The following PTCHD4 variants were observed in gnomAD, a reference collection of about 807,000 sequenced individuals.
PTCHD4 encodes patched domain containing 4.
PTCHD4 carries 33 observed loss-of-function variants against 58.1 expected under a neutral mutation model. The ratio of observed to expected loss-of-function variants is 0.57; its 90% CI spans 0.43 to 0.76. The LOEUF (loss-of-function observed/expected upper bound fraction) is 0.76, where lower values mean the gene tolerates loss of function less well. Among genes scored for constraint, PTCHD4 ranks in the 30% least tolerant of loss-of-function variants. The probability of loss-of-function intolerance (pLI) is 0.00; values close to 1 mark genes in which losing one functional copy is unlikely to be tolerated. For synonymous variants in PTCHD4, 478 were observed against 409.6 expected (o/e 1.17, Z -2.02); for missense variants, 1,058 against 1,027.1 (o/e 1.03, Z -0.41).
chr6:47,922,346 T>G (rs1334012272), intron 4 of PTCHD4, among the ~76,000 whole-genome samples: 1 of 152,206 alleles, frequency 6.6e-6, no homozygotes, highest in African/African-American at 2.4e-5. Flanking sequence ...CACTCCTCTC[T>G]GACTCTTTCC....
chr6:48,072,786 T>C (rs1764998576), intron 1 of PTCHD4, among the ~76,000 whole-genome samples: 1 of 152,202 alleles, frequency 6.6e-6, no homozygotes, highest in African/African-American at 2.4e-5. Flanking sequence ...TATTGCTACA[T>C]AGATTATTGT....
chr6:48,037,838 C>T (rs1398831476), intron 3 of PTCHD4, among the ~76,000 whole-genome samples: 1 of 151,424 alleles, frequency 6.6e-6, no homozygotes, highest in Non-Finnish European at 1.5e-5. Flanking sequence ...TTTAAAAGAC[C>T]TTCACGAATC....
Position 48,068,471 on chromosome 6 carries a change from T to A in PTCHD4, c.176A>T (p.Asn59Ile). ...CAGGTCGCCCTCGGGCTGGAAGCGGTTGAGCGCGCTGAGGCCGAAGGTGAT... is the reference window on the plus strand; with the variant it reads ...CAGGTCGCCCTCGGGCTGGAAGCGGATGAGCGCGCTGAGGCCGAAGGTGAT... ...LTITFGLSAL[N>I]RFQPEGDLER... The change falls in exon 3 of 5, where the codon AAC becomes ATC. Residue 59 changes from asparagine (N) to isoleucine (I), a missense_variant. Physicochemically the swap from Asn to Ile is moderately radical, Grantham distance 149. Coordinates refer to ENST00000339488, the MANE Select transcript of PTCHD4 (RefSeq NM_001384253.1). The surrounding 1 kb of genome is among the most constrained non-coding windows in gnomAD (Gnocchi z 4.2). 1.2e-6 allele frequency: 2 copies of A among 1,613,578 alleles called. No individual in the cohort carries two copies. Among genetic ancestry groups the A allele is most frequent in the Non-Finnish European group, 1.7e-6 (2 of 1,179,806 alleles).
intron 1 of PTCHD4, among the ~76,000 whole-genome samples, chr6:48,070,339 G>C (rs1211480763): frequency 1.3e-5 from 2 of 152,060 alleles, no homozygotes; most frequent in Admixed American, 6.6e-5. Context: ...TACTTAGAAA[G>C]GGAACCATCT....
intron 4 of PTCHD4, among the ~76,000 whole-genome samples, chr6:47,896,388 T>G (rs59353896): frequency 6.6e-6 from 1 of 152,186 alleles, no homozygotes; most frequent in African/African-American, 2.4e-5. Context: ...AGTCTATGAA[T>G]GAACTAATAA....
chr6:48,025,170 G>T (rs1269677047), intron 3 of PTCHD4, among the ~76,000 whole-genome samples: 2 of 152,114 alleles, frequency 1.3e-5, no homozygotes, highest in Non-Finnish European at 2.9e-5. Context: ...AGAATGGCAA[G>T]AACACTGTGT....
At chr6:48,085,671 A>G (rs1198479960) in intron 1 of PTCHD4, among the ~76,000 whole-genome samples, 1 of 152,206 alleles carries the variant, frequency 6.6e-6, no homozygotes, top group Non-Finnish European at 1.5e-5. Flanking sequence ...TTTATACTAC[A>G]ACATCAGCAA....
chr6:47,942,207 AGAG>A (rs1766257283), intron 4 of PTCHD4, among the ~76,000 whole-genome samples: 2 of 152,276 alleles, frequency 1.3e-5, no homozygotes, highest in Admixed American at 6.5e-5. Context: ...ATAGCATTGC[AGAG>A]AATCCAAAGG....
intron 4 of PTCHD4, 87 bp downstream of exon 4, chr6:48,008,547 A>G: frequency 6.9e-7 from 1 of 1,441,356 alleles, no homozygotes; most frequent in South Asian, 1.5e-5. Context: ...TGCAAAATTA[A>G]AACAGATTTC....
intron 4 of PTCHD4, among the ~76,000 whole-genome samples, chr6:48,001,400 C>T (rs915803722): frequency 2.0e-5 from 3 of 152,078 alleles, no homozygotes; most frequent in African/African-American, 7.2e-5. Context: ...GGTACTGGTA[C>T]CAAAACAGAG....
At chr6:47,893,595 C>G (rs1237476398) in intron 4 of PTCHD4, among the ~76,000 whole-genome samples, 12 of 152,106 alleles carry the variant, frequency 7.9e-5, no homozygotes, top group Admixed American at 7.2e-4. Context: ...CTCCATGGCT[C>G]GATTTGCTAA....
chr6:47,979,658 CT>C (rs1767809463), intron 4 of PTCHD4, among the ~76,000 whole-genome samples: 1 of 151,936 alleles, frequency 6.6e-6, no homozygotes. Context: ...ATATTTATGT[CT>C]AATATTAATA....
intron 1 of PTCHD4, among the ~76,000 whole-genome samples, chr6:48,090,216 C>A (rs751581340): frequency 6.6e-6 from 1 of 152,066 alleles, no homozygotes; most frequent in Non-Finnish European, 1.5e-5. Context: ...AGTAAATATG[C>A]ATTCAGAAAT....
Position 47,858,251 on chromosome 6 carries a change from G to A in PTCHD4, c.*20052C>T, listed in dbSNP as rs1351447077. On this transcript the variant is annotated 3_prime_UTR_variant, in exon 5 of 5. Coordinates refer to ENST00000339488, the MANE Select transcript of PTCHD4 (RefSeq NM_001384253.1). ...AGGCACCCCCAATTTTGGATTCAGG[G>A]GCAGACATAAGAAGAAAATCTGATT... Among the ~76,000 whole-genome samples, 1 of 151,850 alleles carries A rather than the reference G, an allele frequency of 6.6e-6. No individual in the cohort carries two copies. The highest frequency in any genetic ancestry group is 1.5e-5 in the Non-Finnish European group (1 of 67,932).
At chr6:47,915,514 G>C (rs1353062069) in intron 4 of PTCHD4, among the ~76,000 whole-genome samples, 2 of 151,258 alleles carry the variant, frequency 1.3e-5, no homozygotes, top group African/African-American at 4.8e-5. Context: ...AGAAAATGGT[G>C]GAAAGTTCCA....
chr6:48,074,023 G>A (rs1353597365), intron 1 of PTCHD4, among the ~76,000 whole-genome samples: 1 of 152,000 alleles, frequency 6.6e-6, no homozygotes, highest in African/African-American at 2.4e-5. Context: ...GACTTTTTCT[G>A]CCACTGCCAT....
At chr6:47,943,825 C>A (rs1012710382) in intron 4 of PTCHD4, among the ~76,000 whole-genome samples, 5 of 152,020 alleles carry the variant, frequency 3.3e-5, no homozygotes, top group African/African-American at 1.2e-4. Flanking sequence ...GGCATTTGAA[C>A]ACAGTTCCAT....
chr6:47,964,951 G>T lies in PTCHD4; in HGVS notation c.898+43683C>A, dbSNP rs540071831. ...ACAGCACACTCGAGTGGGTTTTTTG[G>T]CAATAAAATACTTTCTGGGGTATGA... is the stretch of plus-strand genomic sequence containing the variant. On this transcript the variant is annotated intron_variant, in intron 4 of 4. Transcript: ENST00000339488. Among the ~76,000 whole-genome samples the T allele has an allele frequency of 3.5e-4, 53 of 152,132 alleles. 1 individual carries two copies. Among genetic ancestry groups the T allele is most frequent in the Middle Eastern group, 6.8e-3 (2 of 294 alleles).
intron 1 of PTCHD4, among the ~76,000 whole-genome samples, chr6:48,074,369 C>T (rs866557750): frequency 3.9e-5 from 6 of 152,180 alleles, no homozygotes; most frequent in Admixed American, 6.5e-5. Context: ...TTGCCCATGC[C>T]CACAGCTTGA....
Sources: gnomAD v4.1 joint callset for allele counts (sites outside exome capture counted in the v4.1 genomes callset) on GRCh38, gnomAD v4.1.1 for gene constraint, Gnocchi (gnomAD v3.1) non-coding constraint, MANE v1.5 for transcripts, NCBI Gene and HGNC (gene_info 2026-07-23, HGNC 2026-07-21) for gene names.